Variants in CTNNA3 observed in about 807,000 individuals in gnomAD.
CTNNA3 encodes the protein catenin alpha 3.
CTNNA3 carries 76 observed loss-of-function variants against 95.7 expected under a neutral mutation model. The observed-to-expected ratio is 0.79, with a 90% CI of 0.66 to 0.96. CTNNA3 has a LOEUF of 0.96. Among genes scored for constraint, CTNNA3 ranks in the 40% least tolerant of loss-of-function variants. The pLI, the probability that CTNNA3 is intolerant of heterozygous loss-of-function variation, is 0.00. For synonymous variants in CTNNA3, 431 were observed against 374.4 expected, an observed-to-expected ratio of 1.15 and a Z score of -1.74; for missense variants, 1,191 against 1,089.8, an observed-to-expected ratio of 1.09 and a Z score of -1.31.
chr10:65,973,133 C>T (rs1024261608), intron 16 of CTNNA3, among the ~76,000 whole-genome samples: 1 of 152,106 alleles, frequency 6.6e-6, no homozygotes, highest in African/African-American at 2.4e-5. Context: ...GGTGCTGTGA[C>T]AGCTGGCTAG....
chr10:67,588,154 G>A (rs888760895), intron 3 of CTNNA3, among the ~76,000 whole-genome samples: 12 of 149,752 alleles, frequency 8.0e-5, no homozygotes, highest in South Asian at 2.1e-4. Context: ...GCATCTCACC[G>A]AGCTTCCTTA....
intron 11 of CTNNA3, among the ~76,000 whole-genome samples, chr10:66,423,656 C>A (rs764211388): frequency 4.6e-5 from 7 of 152,136 alleles, no homozygotes; most frequent in Non-Finnish European, 7.3e-5. Flanking sequence ...CCCCTCTGAT[C>A]AGAGACATTA....
At chr10:66,109,708 C>G (rs890122644) in intron 13 of CTNNA3, among the ~76,000 whole-genome samples, 4 of 151,878 alleles carry the variant, frequency 2.6e-5, no homozygotes, top group African/African-American at 4.8e-5. Context: ...GTTTACAAGA[C>G]AAAAGAGAGA....
chr10:66,409,827 G>T (rs900555360), intron 11 of CTNNA3, among the ~76,000 whole-genome samples: 1 of 152,126 alleles, frequency 6.6e-6, no homozygotes, highest in Non-Finnish European at 1.5e-5. Flanking sequence ...GAATTAGAAA[G>T]GTACAATCAG....
At chr10:67,647,123 T>C (rs1839736488) in intron 2 of CTNNA3, among the ~76,000 whole-genome samples, 2 of 143,658 alleles carry the variant, frequency 1.4e-5, no homozygotes, top group Non-Finnish European at 3.0e-5. Context: ...AAGAAGATAA[T>C]TTATATAAAG....
At chr10:67,248,142 CA>C (rs1475566853) in intron 5 of CTNNA3, among the ~76,000 whole-genome samples, 1 of 152,022 alleles carries the variant, frequency 6.6e-6, no homozygotes, top group Non-Finnish European at 1.5e-5. Context: ...GGCAACATGG[CA>C]AAACCGTATC....
intron 10 of CTNNA3, among the ~76,000 whole-genome samples, chr10:66,530,679 A>T (rs1333061873): frequency 6.6e-6 from 1 of 152,140 alleles, no homozygotes; most frequent in Non-Finnish European, 1.5e-5. Context: ...CTCCAGGTTT[A>T]CAATTAATGA....
At chr10:66,964,362 C>A (rs1849286494) in intron 7 of CTNNA3, among the ~76,000 whole-genome samples, 1 of 151,334 alleles carries the variant, frequency 6.6e-6, no homozygotes. Flanking sequence ...TTTCATAAAT[C>A]ACTCTACCTT....
At chr10:66,939,036 C>T (rs978132230) in intron 7 of CTNNA3, among the ~76,000 whole-genome samples, 5 of 152,142 alleles carry the variant, frequency 3.3e-5, no homozygotes, top group Non-Finnish European at 7.4e-5. Context: ...GAGGCCTCTC[C>T]TCTCTTACCC....
chr10:66,583,199 AT>A (rs1382770923), intron 10 of CTNNA3, among the ~76,000 whole-genome samples: 4 of 151,726 alleles, frequency 2.6e-5, no homozygotes, highest in African/African-American at 9.7e-5. Context: ...TTTGGAATAG[AT>A]TCAATCGAAT....
intron 7 of CTNNA3, among the ~76,000 whole-genome samples, chr10:67,131,600 C>T (rs1431155976): frequency 6.6e-6 from 1 of 152,010 alleles, no homozygotes; most frequent in African/African-American, 2.4e-5. Flanking sequence ...TATGTGTCTC[C>T]ATGCCTCCCA....
At chr10:66,486,964 T>A (rs1394346250) in intron 11 of CTNNA3, among the ~76,000 whole-genome samples, 1 of 152,106 alleles carries the variant, frequency 6.6e-6, no homozygotes, top group East Asian at 1.9e-4. Flanking sequence ...GCAAATCTTG[T>A]ATGATCTCAC....
intron 12 of CTNNA3, among the ~76,000 whole-genome samples, chr10:66,336,510 C>T (rs1421819019): frequency 2.0e-5 from 3 of 152,246 alleles, no homozygotes; most frequent in South Asian, 2.1e-4. Flanking sequence ...TCTCTATCCT[C>T]CAGGAATTAT....
intron 7 of CTNNA3, 102 bp from the exon 8 acceptor site, chr10:66,775,626 GAATAGGTTTCAA>G (rs1840265241): frequency 1.3e-6 from 1 of 787,232 alleles, no homozygotes; most frequent in African/African-American, 1.7e-5. Flanking sequence ...TGAAATTCAA[GAATAGGTTTCAA>G]AACTGCTATA....
At chr10:66,280,739 T>C (rs978476622) in intron 12 of CTNNA3, 118 bp from the exon 13 acceptor site, 6 of 658,458 alleles carry the variant, frequency 9.1e-6, no homozygotes, top group African/African-American at 7.7e-5. Context: ...AGATCTTTAA[T>C]TGTATTTTTT....
chr10:66,359,904 G>A (rs1415474085), intron 12 of CTNNA3, among the ~76,000 whole-genome samples: 1 of 150,716 alleles, frequency 6.6e-6, no homozygotes, highest in African/African-American at 2.4e-5. Context: ...TCTGCTCACT[G>A]CAACCTCTGC....
chr10:66,101,800 C>T (rs2133738835), intron 14 of CTNNA3, among the ~76,000 whole-genome samples: 1 of 152,252 alleles, frequency 6.6e-6, no homozygotes, highest in South Asian at 2.1e-4. Context: ...CTCTCTGCAT[C>T]TGTTTAAAAT....
intron 7 of CTNNA3, among the ~76,000 whole-genome samples, chr10:66,846,362 GAT>G (rs1367177184): frequency 6.6e-6 from 1 of 152,052 alleles, no homozygotes; most frequent in Non-Finnish European, 1.5e-5. Flanking sequence ...AATTAAGCAA[GAT>G]AAATAAGTTT....
chr10:66,817,780 C>A (rs1842146623), intron 7 of CTNNA3, among the ~76,000 whole-genome samples: 2 of 151,942 alleles, frequency 1.3e-5, no homozygotes, highest in African/African-American at 2.4e-5. Flanking sequence ...GGACAAAAAA[C>A]TTCCAACTTA....
Sources: allele counts gnomAD v4.1 joint callset (sites outside exome capture counted in the v4.1 genomes callset), GRCh38; gene constraint gnomAD v4.1.1; transcripts MANE v1.5; gene names NCBI Gene and HGNC (gene_info 2026-07-23, HGNC 2026-07-21).